The following RGS8 variants were observed in gnomAD, a reference collection of about 807,000 sequenced individuals.
RGS8 encodes the protein regulator of G protein signaling 8, also known as regulator of G-protein signaling 8.
Under a neutral mutation model 21.7 loss-of-function variants are expected in RGS8, and 8 were observed. The ratio of observed to expected loss-of-function variants is 0.37; its 90% CI spans 0.22 to 0.66. The LOEUF is 0.66. Ranked by LOEUF, RGS8 falls within the 30% of genes least tolerant of loss-of-function variation. RGS8 has a pLI of 0.59. For synonymous variants in RGS8, 80 were observed against 83.6 expected (o/e 0.96, Z 0.24); for missense variants, 157 against 217.9 (o/e 0.72, Z 1.76).
chr1:182,642,230 T>A (rs1368235179), downstream of RGS8: 1 of 152,306 alleles, frequency 6.6e-6, no homozygotes, highest in African/African-American at 2.4e-5. Context: ...GCTCTTGGCT[T>A]CTTCCTCCAC....
the RGS8 span, among the ~76,000 whole-genome samples, chr1:182,741,742 T>C: frequency 2.1e-3 from 139 of 67,176 alleles, no homozygotes; most frequent in Middle Eastern, 0.011. Flanking sequence ...GGCGGCTGGC[T>C]GGGCGGGGGG....
At chr1:182,704,975 G>A in the RGS8 span, among the ~76,000 whole-genome samples, 3 of 152,204 alleles carry the variant, frequency 2.0e-5, no homozygotes, top group African/African-American at 7.2e-5. Flanking sequence ...ATCATTTTCA[G>A]AGGTCAAACA....
the RGS8 span, among the ~76,000 whole-genome samples, chr1:182,693,724 C>T: frequency 3.9e-5 from 6 of 152,336 alleles, no homozygotes; most frequent in African/African-American, 1.4e-4. Context: ...TTAACCTAGA[C>T]ACCCATCAAT....
At chr1:182,733,338 A>G in the RGS8 span, among the ~76,000 whole-genome samples, 87 of 152,342 alleles carry the variant, frequency 5.7e-4, no homozygotes, top group South Asian at 1.0e-3. Flanking sequence ...GGGAGAATTC[A>G]TGAAGGATTG....
At chr1:182,715,354 T>A in the RGS8 span, among the ~76,000 whole-genome samples, 81,155 of 152,004 alleles carry the variant, frequency 0.53, 22,735 homozygotes, top group African/African-American at 0.73. Flanking sequence ...TTACTCTCAC[T>A]TACCCCTTTA....
chr1:182,652,298 A>G (rs1216759587), intron 5 of RGS8, among the ~76,000 whole-genome samples: 1 of 152,240 alleles, frequency 6.6e-6, no homozygotes, highest in African/African-American at 2.4e-5. Flanking sequence ...CCTTCATGGT[A>G]CTTGTAAAGA....
chr1:182,695,484 C>T, the RGS8 span, among the ~76,000 whole-genome samples: 1 of 152,108 alleles, frequency 6.6e-6, no homozygotes, highest in Non-Finnish European at 1.5e-5. Context: ...AAAACTATCG[C>T]AATCACTTAA....
the RGS8 span, among the ~76,000 whole-genome samples, chr1:182,691,369 G>T: frequency 0.036 from 5,489 of 152,124 alleles, 131 homozygotes; most frequent in Admixed American, 0.045. Flanking sequence ...CAAAGGCAAC[G>T]AAATGAAATC....
rs117186197 is a variant in RGS8, at chr1:182,659,572, G to A, written c.193+6397C>T. On this transcript the variant is annotated intron_variant, in intron 5 of 6. Coordinates refer to ENST00000483095, the Ensembl canonical transcript of RGS8. Reference sequence around the variant, plus strand: ...AAATTAGCTGGGCATGGTGGCAGGCGCTTCTAATCCCAGCTACTTAGGAGG... The same window carrying A: ...AAATTAGCTGGGCATGGTGGCAGGCACTTCTAATCCCAGCTACTTAGGAGG... 7.5e-3 allele frequency among the ~76,000 whole-genome samples: 1,146 copies of A among 152,176 alleles called. 17 individuals are homozygous for A. Among genetic ancestry groups the A allele is most frequent in the East Asian group, 0.058 (299 of 5,180 alleles).
chr1:182,668,833 G>T (rs972119097), intron 3 of RGS8, among the ~76,000 whole-genome samples: 7 of 152,252 alleles, frequency 4.6e-5, no homozygotes, highest in African/African-American at 1.7e-4. Flanking sequence ...GCGAGCAGCT[G>T]ATTGAGGGCC....
the RGS8 span, among the ~76,000 whole-genome samples, chr1:182,724,246 A>C: frequency 0.053 from 5,638 of 106,960 alleles, 363 homozygotes; most frequent in African/African-American, 0.063. Flanking sequence ...ATATATATAT[A>C]TCCTATTATT....
chr1:182,723,003 AAAATAAATAAAT>A, the RGS8 span, among the ~76,000 whole-genome samples: 1 of 151,480 alleles, frequency 6.6e-6, no homozygotes, highest in African/African-American at 2.4e-5. Flanking sequence ...AATAAAAATA[AAAATAAATAAAT>A]AAATAAATAA....
the RGS8 span, among the ~76,000 whole-genome samples, chr1:182,712,525 T>C: frequency 6.6e-6 from 1 of 152,236 alleles, no homozygotes; most frequent in Non-Finnish European, 1.5e-5. Context: ...AAAATGTCTC[T>C]GGCTTGGAAC....
At chr1:182,747,043 CTTTTTTTTTTTTTTTTTTTTTT>C in the RGS8 span, among the ~76,000 whole-genome samples, 7 of 21,050 alleles carry the variant, frequency 3.3e-4, no homozygotes, top group South Asian at 7.5e-3. Context: ...CACTGCTGGT[CTTTTTTTTTTTTTTTTTTTTTT>C]TTTTTTTTTT....
At chr1:182,659,553 G>T (rs1273302779) in intron 5 of RGS8, among the ~76,000 whole-genome samples, 1 of 152,146 alleles carries the variant, frequency 6.6e-6, no homozygotes, top group African/African-American at 2.4e-5. Flanking sequence ...GCAAAAATTA[G>T]CTGGGCATGG....
the RGS8 span, among the ~76,000 whole-genome samples, chr1:182,720,984 CACATATATATGTGTGTATAT>C: frequency 0.051 from 2,299 of 45,368 alleles, 108 homozygotes; most frequent in African/African-American, 0.13. Context: ...TACATATATA[CACATATATATGTGTGTATAT>C]ATACATATAT....
chr1:182,673,614 G>C (rs573050980), upstream of RGS8, among the ~76,000 whole-genome samples: 1 of 151,958 alleles, frequency 6.6e-6, no homozygotes, highest in Non-Finnish European at 1.5e-5. Flanking sequence ...TTCTGATATC[G>C]TCCACAGTGC....
the RGS8 span, among the ~76,000 whole-genome samples, chr1:182,743,801 C>A: frequency 1.3e-5 from 2 of 152,228 alleles, no homozygotes; most frequent in African/African-American, 4.8e-5. Flanking sequence ...ACACACAATG[C>A]ACACACATAC....
At chr1:182,748,369 T>C in the RGS8 span, among the ~76,000 whole-genome samples, 5 of 152,394 alleles carry the variant, frequency 3.3e-5, no homozygotes, top group East Asian at 9.6e-4. Context: ...GCAGTATTTG[T>C]CTTTCTGTGC....
Sources: allele counts gnomAD v4.1 joint callset (sites outside exome capture counted in the v4.1 genomes callset), GRCh38; gene constraint gnomAD v4.1.1; transcripts MANE v1.5; gene names NCBI Gene and HGNC (gene_info 2026-07-23, HGNC 2026-07-21).